The following SPATA18 variants were observed in gnomAD, a reference collection of about 807,000 sequenced individuals.
SPATA18 encodes mitochondria-eating protein.
Under a neutral mutation model 68.1 loss-of-function variants are expected in SPATA18, and 54 were observed. The observed-to-expected ratio is 0.79, with a 90% CI of 0.64 to 0.99. The LOEUF (loss-of-function observed/expected upper bound fraction) is 0.99. Among genes scored for constraint, SPATA18 ranks in the 50% least tolerant of loss-of-function variants. The pLI is 0.00. For synonymous variants in SPATA18, 242 were observed against 244.8 expected, an observed-to-expected ratio of 0.99 and a Z score of 0.11; for missense variants, 724 against 681.1, an observed-to-expected ratio of 1.06 and a Z score of -0.70.
chr4:52,080,520 A>T (rs1362660299), intron 9 of SPATA18, among the ~76,000 whole-genome samples: 2 of 152,194 alleles, frequency 1.3e-5, no homozygotes, highest in Admixed American at 1.3e-4. Flanking sequence ...AAAACATTGT[A>T]TTGTGATTTC....
At chr4:52,068,091 G>T (rs1739464593) in intron 4 of SPATA18, among the ~76,000 whole-genome samples, 1 of 152,160 alleles carries the variant, frequency 6.6e-6, no homozygotes, top group Non-Finnish European at 1.5e-5. Flanking sequence ...TGTGTTAGGA[G>T]AAAAATACCC....
Position 52,096,096 on chromosome 4 carries a change from G to A in SPATA18, c.*1209G>A, listed in dbSNP as rs1488162757. 1.3e-5 allele frequency: 2 copies of A among 152,114 alleles called. No individual in the cohort carries two copies. Among genetic ancestry groups the A allele is most frequent in the Admixed American group, 6.6e-5 (1 of 15,258 alleles). 9.4% of individuals were successfully genotyped at this position (152,114 alleles called of 1,614,324 possible). On this transcript the variant is annotated 3_prime_UTR_variant, in exon 13 of 13. Transcript: ENST00000295213. ...TTTTCAGGTGAAAATAAAACAAACAGCTTCTCTAAAGCATCTTACCCCTGT... is the reference window on the plus strand; with the variant it reads ...TTTTCAGGTGAAAATAAAACAAACAACTTCTCTAAAGCATCTTACCCCTGT...
rs532054112 is a variant in SPATA18 at position 52,057,434 on chromosome 4, T to C, written c.88-2985T>C. Among the ~76,000 whole-genome samples the C allele has an allele frequency of 3.3e-5, 5 of 152,346 alleles. No individual in the cohort carries two copies. The East Asian group carries it at 9.6e-4, about 29-fold the overall frequency. Reference sequence around the variant, plus strand: ...TTAGAAGTTGCAGCATGTTGTAACATGTCTTGGGAAGGGGAACTGTGTGGC... The same window carrying C: ...TTAGAAGTTGCAGCATGTTGTAACACGTCTTGGGAAGGGGAACTGTGTGGC... On this transcript the variant is annotated intron_variant, in intron 1 of 12. Coordinates refer to ENST00000295213, the MANE Select transcript of SPATA18 (RefSeq NM_145263.4).
chr4:52,051,634 C>T lies in SPATA18; in HGVS notation c.-71C>T. On this transcript the variant is annotated 5_prime_UTR_variant, in exon 1 of 13. Coordinates refer to ENST00000295213, the MANE Select transcript of SPATA18 (RefSeq NM_145263.4). ...CCTTCCCGCCATATCACCCCACGGT[C>T]CTGCGGAGGCCACCGCCTGGTCCCC... 2 of 1,425,888 alleles carry T rather than the reference C, an allele frequency of 1.4e-6. No individual in the cohort carries two copies. Among genetic ancestry groups the T allele is most frequent in the Non-Finnish European group, 2.0e-6 (2 of 1,008,792 alleles). 88.3% of individuals were successfully genotyped at this position (1,425,888 alleles called of 1,614,324 possible).
intron 4 of SPATA18, among the ~76,000 whole-genome samples, chr4:52,068,381 A>T (rs948844838): frequency 1.3e-5 from 2 of 152,164 alleles, no homozygotes; most frequent in African/African-American, 4.8e-5. Context: ...GGTACTGGGG[A>T]TAGAGATGAA....
chr4:52,089,497 G>T (rs1578203288), intron 11 of SPATA18, among the ~76,000 whole-genome samples: 1 of 152,222 alleles, frequency 6.6e-6, no homozygotes, highest in East Asian at 1.9e-4. Context: ...CGTTCTCATT[G>T]GTTTCAAAGA....
At chr4:52,073,146 C>A (rs563769271) in intron 6 of SPATA18, among the ~76,000 whole-genome samples, 1 of 152,206 alleles carries the variant, frequency 6.6e-6, no homozygotes, top group South Asian at 2.1e-4. Flanking sequence ...TGTGTTTGTG[C>A]CAACTTGTAT....
At chr4:52,079,129 G>C (rs1740681244) in intron 8 of SPATA18, among the ~76,000 whole-genome samples, 4 of 152,232 alleles carry the variant, frequency 2.6e-5, no homozygotes, top group Admixed American at 2.0e-4. Flanking sequence ...ATGATCAGGA[G>C]ATGGAATATC....
In SPATA18 at chr4:52,070,756, T is replaced by C. The variant is rs1457772138; in HGVS notation, c.518+840T>C. 3.9e-5 allele frequency among the ~76,000 whole-genome samples: 6 copies of C among 152,238 alleles called. No individual in the cohort carries two copies. The East Asian group carries it at 1.2e-3, about 29-fold the overall frequency. On this transcript the variant is annotated intron_variant, in intron 5 of 12. Transcript: ENST00000295213. Reference sequence around the variant, plus strand: ...AAAACATTCATAAAAACTGACCATATATTAGCCTGCAAAGGCAAACTTAAC... The same window carrying C: ...AAAACATTCATAAAAACTGACCATACATTAGCCTGCAAAGGCAAACTTAAC...
chr4:52,066,146 TTTTTTG>T (rs899320008), intron 4 of SPATA18, among the ~76,000 whole-genome samples: 1 of 152,252 alleles, frequency 6.6e-6, no homozygotes, highest in East Asian at 1.9e-4. Flanking sequence ...GTCATCCTTC[TTTTTTG>T]TTTTTGTTTT....
At chr4:52,091,409 TC>T (rs1339928252) in intron 11 of SPATA18, among the ~76,000 whole-genome samples, 1 of 152,214 alleles carries the variant, frequency 6.6e-6, no homozygotes, top group Non-Finnish European at 1.5e-5. Context: ...TGCTGGTTTT[TC>T]CCCATCTTTG....
intron 8 of SPATA18, among the ~76,000 whole-genome samples, chr4:52,079,454 A>G (rs1740720627): frequency 6.6e-6 from 1 of 152,236 alleles, no homozygotes; most frequent in African/African-American, 2.4e-5. Flanking sequence ...CTTGCTCAGA[A>G]TAGAAAAATA....
At position 52,096,681 on chromosome 4, in the gene SPATA18, G is replaced by A. The variant is rs1453954040; in HGVS notation, c.*1794G>A. 6.6e-6 allele frequency: 1 copy of A among 151,810 alleles called. No homozygotes were observed. The highest frequency in any genetic ancestry group is 1.5e-5 in the Non-Finnish European group (1 of 67,990). 9.4% of individuals were successfully genotyped at this position (151,810 alleles called of 1,614,324 possible). ...CAGCTACAAATGAAAATCAATGTGT[G>A]TATTGGCAACAGAAAATCACGGTGT... On this transcript the variant is annotated 3_prime_UTR_variant, in exon 13 of 13. Transcript: ENST00000295213.
chr4:52,069,865 C>G lies in SPATA18; in HGVS notation c.467C>G (p.Ser156Trp). ...EKNLEESKNR[S>W]AISLLAAEEE... is the part of the protein sequence containing the mutation. The stretch of plus-strand genomic sequence containing the variant: ...AATCTTGAAGAAAGCAAGAACAGAT[C>G]GGCCATATCCCTTTTGGCTGCAGAG... Residue 156 changes from serine (S) to tryptophan (W), a missense_variant, in exon 5 of 13, where the codon TCG (serine) becomes TGG (tryptophan). Physicochemically the swap from Ser to Trp is radical, Grantham distance 177. Transcript: ENST00000295213. 6.3e-7 allele frequency: 1 copy of G among 1,596,196 alleles called. No homozygotes were observed. Among genetic ancestry groups the G allele is most frequent in the Non-Finnish European group, 8.6e-7 (1 of 1,168,912 alleles).
rs557499800 is a variant in SPATA18 at position 52,095,047 on chromosome 4, G to A, written c.*160G>A. 275 of 790,124 alleles carry A rather than the reference G, an allele frequency of 3.5e-4. 3 individuals are homozygous for A. The South Asian group carries it at 3.9e-3, about 11-fold the overall frequency. 48.9% of individuals were successfully genotyped at this position (790,124 alleles called of 1,614,324 possible). A position where few individuals can be genotyped will look rare whatever the true frequency, so the allele number is the denominator to read the frequency against. ...AGAGAGTTAAATGTTTTGGCTTGGC[G>A]CATTTGTAACTTTAGATATATTGCA... On this transcript the variant is annotated 3_prime_UTR_variant, in exon 13 of 13. Coordinates refer to ENST00000295213, the MANE Select transcript of SPATA18 (RefSeq NM_145263.4).
chr4:52,062,106 A>G (rs1169450724), intron 3 of SPATA18, 114 bp from the exon 4 acceptor site: 1 of 643,642 alleles, frequency 1.6e-6, no homozygotes, highest in Admixed American at 2.7e-5. Context: ...CTTCATGTGC[A>G]TGGAGCCGTG....
In SPATA18 at chr4:52,076,776, C is replaced by T. The variant is rs1412169810; in HGVS notation, c.759-3C>T. On this transcript the variant is annotated splice_region_variant and splice_polypyrimidine_tract_variant and intron_variant, in intron 6 of 12. Transcript: ENST00000295213. ...TCCCTGGCTGATTCTCGCTCACCAA[C>T]AGGTCCTCCAGGAGCCGGTCTCCCA... 1.2e-6 allele frequency: 2 copies of T among 1,612,442 alleles called. No individual in the cohort carries two copies. The highest frequency in any genetic ancestry group is 1.3e-5 in the African/African-American group (1 of 74,918).
intron 3 of SPATA18, 91 bp from the exon 4 acceptor site, chr4:52,062,129 C>A: frequency 1.3e-6 from 1 of 757,544 alleles, no homozygotes; most frequent in South Asian, 1.8e-5. Flanking sequence ...TAATTGTGCT[C>A]TTTTGAGTTG....
intron 11 of SPATA18, among the ~76,000 whole-genome samples, chr4:52,088,409 A>G (rs769352850): frequency 1.4e-3 from 220 of 152,106 alleles, no homozygotes; most frequent in Non-Finnish European, 2.7e-3. Context: ...TTGGCTGTGG[A>G]TTTGTCATAA....
Sources: gnomAD v4.1 joint callset for allele counts (sites outside exome capture counted in the v4.1 genomes callset) on GRCh38, gnomAD v4.1.1 for gene constraint, MANE v1.5 for transcripts, NCBI Gene and HGNC (gene_info 2026-07-23, HGNC 2026-07-21) for gene names.